The following LARGE1 variants were observed in gnomAD, a reference collection of about 807,000 sequenced individuals.
LARGE1 encodes the protein xylosyl- and glucuronyltransferase LARGE1.
In LARGE1, 43 loss-of-function variants were observed where a neutral mutation model predicts 87.6. The observed-to-expected ratio is 0.49, with a 90% confidence interval of 0.38 to 0.63. The LOEUF (loss-of-function observed/expected upper bound fraction) is 0.63, where lower values mean the gene tolerates loss of function less well. Ranked by LOEUF, LARGE1 falls within the 30% of genes least tolerant of loss-of-function variation. LARGE1 has a pLI of 0.00. For missense variants in LARGE1, 802 were observed against 1,000.2 expected (o/e 0.80, Z 2.67); for synonymous variants, 434 against 394.6 (o/e 1.10, Z -1.18).
At chr22:33,770,061 C>A (rs2085018193) in intron 1 of LARGE1, among the ~76,000 whole-genome samples, 1 of 152,204 alleles carries the variant, frequency 6.6e-6, no homozygotes, top group African/African-American at 2.4e-5. Flanking sequence ...AATCATAGAA[C>A]ATAATATGCA....
chr22:33,355,084 TTTTAG>T lies in LARGE1; in HGVS notation c.1132-17288_1132-17284del, dbSNP rs898407893. Among the ~76,000 whole-genome samples, 180 of 152,314 alleles carry T rather than the reference TTTTAG, an allele frequency of 1.2e-3. 1 individual carries two copies. The highest frequency in any genetic ancestry group is 4.1e-3 in the African/African-American group (172 of 41,582). On this transcript the variant is annotated intron_variant, in intron 9 of 14. Transcript: ENST00000397394. ...ATTGGAATAGGTCAGATAAGAAGTA[TTTTAG>T]TACTGTGACCCATAGTTTAAATTCC...
At chr22:33,074,546 G>T in the LARGE1 span, among the ~76,000 whole-genome samples, 1 of 151,964 alleles carries the variant, frequency 6.6e-6, no homozygotes, top group South Asian at 2.1e-4. Flanking sequence ...GTGGTGCCGC[G>T]TGCCTGTAGT....
At position 33,386,172 on chromosome 22, in the gene LARGE1, C is replaced by T. The variant is rs933352929; in HGVS notation, c.893-1868G>A. Among the ~76,000 whole-genome samples the T allele has an allele frequency of 9.4e-5, 14 of 148,756 alleles. 1 individual carries two copies. Among genetic ancestry groups the T allele is most frequent in the African/African-American group, 3.4e-4 (14 of 40,920 alleles). ...TTTTTGCACATCACGTATCATTTCC[C>T]CTAATGCTCCCTGAGATCTCTACAA... On this transcript the variant is annotated intron_variant, in intron 7 of 14. Coordinates refer to ENST00000397394, the MANE Select transcript of LARGE1 (RefSeq NM_133642.5).
At chr22:33,704,270 C>T (rs2149380271) in intron 2 of LARGE1, among the ~76,000 whole-genome samples, 1 of 152,350 alleles carries the variant, frequency 6.6e-6, no homozygotes, top group Middle Eastern at 3.4e-3. Flanking sequence ...ATACATGTAT[C>T]TGCAGGGCTG....
chr22:33,535,948 G>T (rs1259658754), intron 6 of LARGE1, among the ~76,000 whole-genome samples: 2 of 152,086 alleles, frequency 1.3e-5, no homozygotes, highest in African/African-American at 4.8e-5. Context: ...GGTGGACTTT[G>T]AGAGACCATG....
chr22:33,085,256 A>G, the LARGE1 span, among the ~76,000 whole-genome samples: 1 of 152,264 alleles, frequency 6.6e-6, no homozygotes, highest in Non-Finnish European at 1.5e-5. Context: ...AGCTTGGGTG[A>G]CAGAGCGAGA....
intron 1 of LARGE1, among the ~76,000 whole-genome samples, chr22:33,859,910 A>G (rs1258923909): frequency 1.3e-5 from 2 of 152,208 alleles, no homozygotes; most frequent in African/African-American, 4.8e-5. Context: ...CCACTCATAT[A>G]AAGTACCTGG....
At chr22:33,086,025 AC>A in the LARGE1 span, among the ~76,000 whole-genome samples, 1 of 152,186 alleles carries the variant, frequency 6.6e-6, no homozygotes, top group East Asian at 1.9e-4. Flanking sequence ...GTAATTCACA[AC>A]TTTTATATGT....
chr22:33,828,134 AGAT>A (rs1364246361), intron 1 of LARGE1, among the ~76,000 whole-genome samples: 3 of 152,236 alleles, frequency 2.0e-5, no homozygotes, highest in Non-Finnish European at 4.4e-5. Context: ...GGAGGGGAGA[AGAT>A]GAGCTCTGCA....
At chr22:33,422,758 C>T (rs192150268) in intron 7 of LARGE1, among the ~76,000 whole-genome samples, 143 of 152,074 alleles carry the variant, frequency 9.4e-4, no homozygotes, top group African/African-American at 3.2e-3. Flanking sequence ...ATCCTCTGCG[C>T]CCGGCCATAC....
chr22:33,315,278 C>T (rs180816447), intron 11 of LARGE1, among the ~76,000 whole-genome samples: 11 of 152,284 alleles, frequency 7.2e-5, no homozygotes, highest in Admixed American at 5.2e-4. Flanking sequence ...TGGATGTGAA[C>T]GTGTTATACA....
chr22:33,149,416 T>C, the LARGE1 span, among the ~76,000 whole-genome samples: 1 of 152,168 alleles, frequency 6.6e-6, no homozygotes, highest in Non-Finnish European at 1.5e-5. Flanking sequence ...TCTTTTTTCT[T>C]TCATGAATCA....
At chr22:33,517,454 G>A (rs549007450) in intron 6 of LARGE1, among the ~76,000 whole-genome samples, 1 of 152,218 alleles carries the variant, frequency 6.6e-6, no homozygotes, top group East Asian at 1.9e-4. Context: ...GGAGTGCAGT[G>A]GTGCAATCTT....
At chr22:33,885,265 C>T (rs568418333) in intron 1 of LARGE1, among the ~76,000 whole-genome samples, 27 of 152,328 alleles carry the variant, frequency 1.8e-4, no homozygotes, top group African/African-American at 6.5e-4. Flanking sequence ...AATATAATTA[C>T]ATTGCTACTG....
the LARGE1 span, among the ~76,000 whole-genome samples, chr22:33,070,396 T>G: frequency 4.6e-5 from 7 of 152,304 alleles, no homozygotes; most frequent in African/African-American, 1.7e-4. Flanking sequence ...TCTAGGGATA[T>G]CTTTGGTTCT....
intron 6 of LARGE1, among the ~76,000 whole-genome samples, chr22:33,451,582 C>A (rs2067924814): frequency 1.4e-5 from 2 of 144,788 alleles, no homozygotes; most frequent in Admixed American, 6.9e-5. Flanking sequence ...TTTTTTGAGA[C>A]CAAGTCTCGC....
chr22:33,895,099 A>G (rs1275702184), intron 1 of LARGE1, among the ~76,000 whole-genome samples: 1 of 152,070 alleles, frequency 6.6e-6, no homozygotes, highest in African/African-American at 2.4e-5. Context: ...AGGAGAGTAC[A>G]CCTCTACAGA....
intron 6 of LARGE1, among the ~76,000 whole-genome samples, chr22:33,528,383 T>C (rs1353541659): frequency 6.6e-6 from 1 of 152,094 alleles, no homozygotes; most frequent in African/African-American, 2.4e-5. Context: ...CAAATATACA[T>C]ATTCAATAAG....
At chr22:33,506,615 A>C (rs1004302660) in intron 6 of LARGE1, among the ~76,000 whole-genome samples, 1 of 152,158 alleles carries the variant, frequency 6.6e-6, no homozygotes, top group African/African-American at 2.4e-5. Flanking sequence ...AACTCAGGAG[A>C]ACTGGCCTGG....
Sources: gnomAD v4.1 joint callset for allele counts (sites outside exome capture counted in the v4.1 genomes callset) on GRCh38, gnomAD v4.1.1 for gene constraint, MANE v1.5 for transcripts, NCBI Gene and HGNC (gene_info 2026-07-23, HGNC 2026-07-21) for gene names.